The following MFF variants were observed in gnomAD, a reference collection of about 807,000 sequenced individuals.
MFF encodes the protein mitochondrial fission factor, also known as chromosome 2 open reading frame 33.
MFF carries 12 observed loss-of-function variants against 36.9 expected under a neutral mutation model. The ratio of observed to expected loss-of-function variants is 0.33; its 90% CI spans 0.21 to 0.53. The LOEUF (loss-of-function observed/expected upper bound fraction) is 0.53. Among genes scored for constraint, MFF ranks in the 20% least tolerant of loss-of-function variants. The probability of loss-of-function intolerance (pLI) is 0.95; values close to 1 mark genes in which losing one functional copy is unlikely to be tolerated. For missense variants in MFF, 348 were observed against 366.6 expected, an observed-to-expected ratio of 0.95 and a Z score of 0.42; for synonymous variants, 99 against 126.2, an observed-to-expected ratio of 0.78 and a Z score of 1.44.
chr2:227,357,335 A>G lies in MFF; in HGVS notation c.*218A>G, dbSNP rs1471245133. The G allele has an allele frequency of 7.7e-6, 3 of 389,874 alleles. No individual in the cohort carries two copies. The highest frequency in any genetic ancestry group is 1.4e-5 in the Non-Finnish European group (3 of 220,866). The allele number at this position is 389,874 out of a possible 1,614,324, so 24.2% of individuals were successfully genotyped here. A position where few individuals can be genotyped will look rare whatever the true frequency, so the allele number is the denominator to read the frequency against. On this transcript the variant is annotated 3_prime_UTR_variant, in exon 9 of 9. Transcript: ENST00000304593. Reference sequence around the variant, plus strand: ...CACGTCTGAGCAGTTCTGCAGTAACACCTGCTTAAAATTCTCCCTTTGCAT... The same window carrying G: ...CACGTCTGAGCAGTTCTGCAGTAACGCCTGCTTAAAATTCTCCCTTTGCAT...
intron 3 of MFF, 150 bp from the exon 4 acceptor site, chr2:227,332,269 G>T: frequency 1.6e-6 from 1 of 620,012 alleles, no homozygotes; most frequent in South Asian, 2.3e-5. Context: ...ACCGCGCCCG[G>T]CCTGGAAGCA....
At chr2:227,356,501 ATTATT>A (rs2076264199) in intron 8 of MFF, among the ~76,000 whole-genome samples, 1 of 152,040 alleles carries the variant, frequency 6.6e-6, no homozygotes, top group South Asian at 2.1e-4. Context: ...CCTACAGTAG[ATTATT>A]TTATTGGATT....
chr2:227,355,636 C>A, intron 7 of MFF, 41 bp from the exon 8 acceptor site: 1 of 1,099,914 alleles, frequency 9.1e-7, no homozygotes, highest in South Asian at 1.5e-5. Flanking sequence ...ACTCTGAGTT[C>A]TACTTTACTA....
chr2:227,353,984 A>G (rs1269012014), intron 7 of MFF, among the ~76,000 whole-genome samples: 1 of 152,150 alleles, frequency 6.6e-6, no homozygotes. Flanking sequence ...TATTTTTTCC[A>G]CTAATCATTT....
At chr2:227,351,401 AT>A (rs1207546587) in intron 6 of MFF, among the ~76,000 whole-genome samples, 5 of 32,450 alleles carry the variant, frequency 1.5e-4, no homozygotes, top group Non-Finnish European at 7.8e-4. Context: ...TCAGAAAATA[AT>A]TTGTATTGTA....
chr2:227,335,761 CAT>C (rs1313536781), intron 4 of MFF, among the ~76,000 whole-genome samples: 3 of 152,170 alleles, frequency 2.0e-5, no homozygotes, highest in Admixed American at 6.5e-5. Flanking sequence ...TAAAACATAA[CAT>C]AAATAATCCC....
chr2:227,337,852 G>A (rs931414671), intron 4 of MFF, among the ~76,000 whole-genome samples: 3 of 152,036 alleles, frequency 2.0e-5, no homozygotes, highest in Non-Finnish European at 4.4e-5. Flanking sequence ...AGATCACCAA[G>A]CCTGGCCAAC....
chr2:227,338,105 C>T (rs1469126068), intron 4 of MFF, among the ~76,000 whole-genome samples: 1 of 151,224 alleles, frequency 6.6e-6, no homozygotes, highest in Non-Finnish European at 1.5e-5. Flanking sequence ...TGGTGGCTCA[C>T]ACCTGTAATC....
At position 227,357,410 on chromosome 2, in the gene MFF, G is replaced by T. The variant is rs945493912; in HGVS notation, c.*293G>T. 1.7e-5 allele frequency: 4 copies of T among 229,396 alleles called. No individual in the cohort carries two copies. Among genetic ancestry groups the T allele is most frequent in the African/African-American group, 8.8e-5 (4 of 45,576 alleles). The allele number at this position is 229,396 out of a possible 1,614,324, so 14.2% of individuals were successfully genotyped here. ...GTTTTTTAAAAGGAATTTATTTTTT[G>T]CCTCATCAGTCCACCCAACTGATTC... On this transcript the variant is annotated 3_prime_UTR_variant, in exon 9 of 9. Transcript: ENST00000304593.
At chr2:227,329,595 CT>C in intron 2 of MFF, 1 of 517,468 alleles carries the variant, frequency 1.9e-6, no homozygotes, top group Non-Finnish European at 3.4e-6. Context: ...TTTATTCTTT[CT>C]TTTTTACAGC....
intron 4 of MFF, among the ~76,000 whole-genome samples, chr2:227,338,905 T>G (rs60933416): frequency 0.099 from 14,994 of 151,266 alleles, 1,178 homozygotes; most frequent in African/African-American, 0.21. Flanking sequence ...GTTTGTTTTG[T>G]TTTTTTTAGT....
intron 5 of MFF, among the ~76,000 whole-genome samples, chr2:227,340,934 G>A (rs1357775401): frequency 6.6e-6 from 1 of 152,012 alleles, no homozygotes; most frequent in Non-Finnish European, 1.5e-5. Context: ...TCGAAAACTG[G>A]TCAGAATTTT....
At chr2:227,329,937 C>CGT (rs2074453396) in intron 2 of MFF, 1 of 489,304 alleles carries the variant, frequency 2.0e-6, no homozygotes, top group Non-Finnish European at 3.7e-6. Flanking sequence ...AAAAAAAACA[C>CGT]ATGTAAATAT....
intron 7 of MFF, 54 bp downstream of exon 7, chr2:227,352,627 G>A (rs2076058381): frequency 2.2e-6 from 3 of 1,390,716 alleles, no homozygotes; most frequent in South Asian, 2.5e-5. Context: ...GAATTTGTGT[G>A]TTGCAGGGCA....
chr2:227,355,523 A>T lies in MFF; in HGVS notation c.660-154A>T, dbSNP rs555442148. On this transcript the variant is annotated intron_variant, in intron 7 of 8. Coordinates refer to ENST00000304593, the MANE Select transcript of MFF (RefSeq NM_001277062.2). ...AAGCTTTTTTCTTTCCTTTATTAGT[A>T]CAAATTCAGGTAGTAAAATATTTTA... The T allele has an allele frequency of 4.4e-5, 19 of 428,720 alleles. 1 individual carries two copies. The South Asian group carries it at 9.8e-4, about 22-fold the overall frequency. The allele number at this position is 428,720 out of a possible 1,614,324, so 26.6% of individuals were successfully genotyped here.
At chr2:227,332,711 C>T in intron 4 of MFF, 123 bp downstream of exon 4, 1 of 602,776 alleles carries the variant, frequency 1.7e-6, no homozygotes, top group South Asian at 3.7e-5. Flanking sequence ...TGGAACATTA[C>T]TAATAATTCT....
chr2:227,326,592 C>T (rs1445214421), intron 1 of MFF, among the ~76,000 whole-genome samples: 1 of 152,144 alleles, frequency 6.6e-6, no homozygotes, highest in Non-Finnish European at 1.5e-5. Flanking sequence ...TTAGTCTTCG[C>T]TCTCCTCTCT....
At chr2:227,336,273 A>G (rs2074998918) in intron 4 of MFF, among the ~76,000 whole-genome samples, 1 of 152,198 alleles carries the variant, frequency 6.6e-6, no homozygotes, top group Non-Finnish European at 1.5e-5. Flanking sequence ...AATAAACCCT[A>G]AGAGCTTTGT....
chr2:227,340,228 G>A (rs576205805), intron 4 of MFF, 64 bp from the exon 5 acceptor site: 626 of 1,357,626 alleles, frequency 4.6e-4, no homozygotes, highest in Non-Finnish European at 6.1e-4. Flanking sequence ...TTCTTTTGAT[G>A]CTAAGCAGCT....
Sources: allele counts gnomAD v4.1 joint callset (sites outside exome capture counted in the v4.1 genomes callset), GRCh38; gene constraint gnomAD v4.1.1; transcripts MANE v1.5; gene names NCBI Gene and HGNC (gene_info 2026-07-23, HGNC 2026-07-21).